Variants in MELK observed in about 807,000 individuals in gnomAD.
The protein encoded by MELK is maternal embryonic leucine zipper kinase, also known as pEg3 kinase.
Under a neutral mutation model 85.0 loss-of-function variants are expected in MELK, and 81 were observed. The observed-to-expected ratio is 0.95, with a 90% CI of 0.80 to 1.15. The LOEUF (loss-of-function observed/expected upper bound fraction) is 1.15, where lower values mean the gene tolerates loss of function less well. Ranked by LOEUF, MELK falls within the 50% of genes most tolerant of loss-of-function variation. The pLI is 0.00. For missense variants in MELK, 754 were observed against 777.5 expected (o/e 0.97, Z 0.36); for synonymous variants, 252 against 265.0 (o/e 0.95, Z 0.48).
rs1408541660 is a variant in MELK at position 36,594,704 on chromosome 9, T to C, written c.338T>C (p.Phe113Ser). The C allele has an allele frequency of 2.5e-6, 4 of 1,614,114 alleles. No individual in the cohort carries two copies. Among genetic ancestry groups the C allele is most frequent in the Non-Finnish European group, 3.4e-6 (4 of 1,180,006 alleles). ...TCAGAAGAGGAGACCCGGGTTGTCT[T>C]CCGTCAGATAGTATCTGCTGTTGCT... ...RLSEEETRVVFRQIVSAVAYV... is the reference protein window; with the variant it reads ...RLSEEETRVVSRQIVSAVAYV... Residue 113 changes from phenylalanine to serine, a missense_variant, in exon 5 of 18, where the codon TTC becomes TCC. Physicochemically the swap from Phe to Ser is radical, Grantham distance 155. Transcript: ENST00000298048.
At chr9:36,597,359 C>A in intron 6 of MELK, 69 bp downstream of exon 6, 3 of 1,377,596 alleles carry the variant, frequency 2.2e-6, no homozygotes, top group Non-Finnish European at 3.1e-6. Context: ...GTGATTTTGT[C>A]CTGACTTCCA....
chr9:36,663,896 G>C (rs1723480183), intron 13 of MELK, among the ~76,000 whole-genome samples: 1 of 152,084 alleles, frequency 6.6e-6, no homozygotes, highest in South Asian at 2.1e-4. Context: ...TTTTCCTTTG[G>C]GAAAAGAAGT....
At chr9:36,599,682 ATATACT>A (rs1296030989) in intron 7 of MELK, among the ~76,000 whole-genome samples, 196 bp downstream of exon 7, 5 of 152,218 alleles carry the variant, frequency 3.3e-5, no homozygotes, top group Non-Finnish European at 7.3e-5. Context: ...ATATAGTAAC[ATATACT>A]TATGAAGCAG....
intron 9 of MELK, among the ~76,000 whole-genome samples, chr9:36,630,921 T>C (rs1321086899): frequency 6.7e-6 from 1 of 149,704 alleles, no homozygotes; most frequent in East Asian, 2.0e-4. Flanking sequence ...TCCAAAGTGC[T>C]GGGATTATAG....
Position 36,677,200 on chromosome 9 carries a change from G to A in MELK, c.1819G>A (p.Val607Met). The A allele has an allele frequency of 6.2e-7, 1 of 1,613,964 alleles. No homozygotes were observed. Among genetic ancestry groups the A allele is most frequent in the Non-Finnish European group, 8.5e-7 (1 of 1,179,904 alleles). Residue 607 changes from valine (V) to methionine (M), a missense_variant, in exon 18 of 18, where the codon GTG (valine) becomes ATG (methionine). Transcript: ENST00000298048. Reference sequence around the variant, plus strand: ...TCAAACACAGTCAGATTTTGGGAAAGTGACAATGCAATTTGAATTAGAAGT... The same window carrying A: ...TCAAACACAGTCAGATTTTGGGAAAATGACAATGCAATTTGAATTAGAAGT... ...KCQTQSDFGK[V>M]TMQFELEVCQ...
chr9:36,575,439 G>C (rs922385227), intron 1 of MELK, among the ~76,000 whole-genome samples: 1 of 152,176 alleles, frequency 6.6e-6, no homozygotes, highest in Non-Finnish European at 1.5e-5. Flanking sequence ...AGTATAATCT[G>C]CTATTAGTGT....
intron 16 of MELK, among the ~76,000 whole-genome samples, chr9:36,673,009 T>C (rs1206740072): frequency 1.3e-5 from 2 of 152,202 alleles, no homozygotes; most frequent in Non-Finnish European, 1.5e-5. Context: ...ACTATACACT[T>C]ACCGGAAGAG....
At chr9:36,649,625 C>T (rs2137164332) in intron 11 of MELK, among the ~76,000 whole-genome samples, 1 of 152,098 alleles carries the variant, frequency 6.6e-6, no homozygotes, top group African/African-American at 2.4e-5. Flanking sequence ...AAAAATTAGC[C>T]AGGCGTGGTG....
chr9:36,581,506 C>A, intron 1 of MELK, 138 bp from the exon 2 acceptor site: 1 of 506,518 alleles, frequency 2.0e-6, no homozygotes, highest in Non-Finnish European at 3.5e-6. Flanking sequence ...GATAAGAATC[C>A]TTTTTTTCAT....
Position 36,643,859 on chromosome 9 carries a change from G to A in MELK, c.921+776G>A, listed in dbSNP as rs563837612. Among the ~76,000 whole-genome samples, 335 of 151,678 alleles carry A rather than the reference G, an allele frequency of 2.2e-3. 1 individual carries two copies. The highest frequency in any genetic ancestry group is 7.2e-3 in the African/African-American group (299 of 41,306). On this transcript the variant is annotated intron_variant, in intron 11 of 17. Transcript: ENST00000298048. ...TGAGGCAGGAGAATGGTGTGAACCT[G>A]GGAGGCGGAGTTTGCAGTGAGCCAA...
rs576536587 is a variant in MELK at position 36,638,607 on chromosome 9, A to G, written c.835-4390A>G. 3.5e-4 allele frequency among the ~76,000 whole-genome samples: 53 copies of G among 152,186 alleles called. 1 individual carries two copies. The highest frequency in any genetic ancestry group is 7.4e-4 in the Non-Finnish European group (50 of 68,000). The stretch of plus-strand genomic sequence containing the variant: ...GCCTCCCTTACATCTTAATTTAATA[A>G]TTGCTACTATTTACTGAGCACGTAG... On this transcript the variant is annotated intron_variant, in intron 10 of 17. Transcript: ENST00000298048.
intron 8 of MELK, among the ~76,000 whole-genome samples, chr9:36,609,192 TAGAA>T (rs1416635234): frequency 1.3e-5 from 2 of 152,112 alleles, no homozygotes; most frequent in African/African-American, 4.8e-5. Context: ...ATTCTGGAAT[TAGAA>T]AGAGGTGATG....
chr9:36,614,462 T>A (rs1323702513), intron 8 of MELK, among the ~76,000 whole-genome samples: 1 of 137,516 alleles, frequency 7.3e-6, no homozygotes, highest in Admixed American at 7.3e-5. Context: ...TTTTTATTGA[T>A]AATTCTTGGG....
intron 7 of MELK, among the ~76,000 whole-genome samples, chr9:36,606,447 AT>A: frequency 8.0e-6 from 1 of 125,598 alleles, no homozygotes; most frequent in Non-Finnish European, 1.6e-5. Context: ...TGTATATAAT[AT>A]ATACATATGT....
chr9:36,664,692 A>G (rs1270664079), intron 13 of MELK, among the ~76,000 whole-genome samples: 1 of 152,184 alleles, frequency 6.6e-6, no homozygotes, highest in African/African-American at 2.4e-5. Context: ...AATTTTAGCT[A>G]TAGCCCTTCC....
At chr9:36,663,489 A>G (rs1299216285) in intron 13 of MELK, among the ~76,000 whole-genome samples, 6 of 152,342 alleles carry the variant, frequency 3.9e-5, no homozygotes, top group African/African-American at 1.2e-4. Flanking sequence ...AATAATGTAC[A>G]TCGCACCCCT....
intron 10 of MELK, among the ~76,000 whole-genome samples, chr9:36,640,215 T>C (rs1829633393): frequency 6.6e-6 from 1 of 152,112 alleles, no homozygotes; most frequent in Non-Finnish European, 1.5e-5. Context: ...GAACAGAAAT[T>C]TATTTCTTGC....
At position 36,636,782 on chromosome 9, in the gene MELK, T is replaced by TTCTTTCTTTCTGTCTGTCTGTCTG. The variant is rs71494635; in HGVS notation, c.834+3585_834+3586insTTCTTTCTGTCTGTCTGTCTGTCT. Among the ~76,000 whole-genome samples the TTCTTTCTTTCTGTCTGTCTGTCTG allele has an allele frequency of 8.8e-4, 95 of 107,666 alleles. 1 individual carries two copies. The highest frequency in any genetic ancestry group is 1.8e-3 in the African/African-American group (44 of 24,536). The allele number at this position is 107,666 out of a possible 152,430, so 70.6% of individuals were successfully genotyped here. On this transcript the variant is annotated intron_variant, in intron 10 of 17. Transcript: ENST00000298048. ...TTTCTTTCTTTCTTTCTTTCTTTCT[T>TTCTTTCTTTCTGTCTGTCTGTCTG]TCTGTCTGTCTTTCTTTCTTTCTGT...
chr9:36,641,285 G>A (rs552679674), intron 10 of MELK, among the ~76,000 whole-genome samples: 7 of 152,184 alleles, frequency 4.6e-5, no homozygotes, highest in Admixed American at 2.0e-4. Context: ...TGTACTAGGC[G>A]CTTGCTCTAT....
Sources: allele counts gnomAD v4.1 joint callset (sites outside exome capture counted in the v4.1 genomes callset), GRCh38; gene constraint gnomAD v4.1.1; transcripts MANE v1.5; gene names NCBI Gene and HGNC (gene_info 2026-07-23, HGNC 2026-07-21).